The following NAALADL2 variants were observed in gnomAD, a reference collection of about 807,000 sequenced individuals.
The protein encoded by NAALADL2 is N-acetylated alpha-linked acidic dipeptidase like 2.
In NAALADL2, 76 loss-of-function variants were observed where a neutral mutation model predicts 87.2. The observed-to-expected ratio is 0.87, with a 90% CI of 0.72 to 1.05. NAALADL2 has a LOEUF of 1.05. NAALADL2 is among the 50% of genes least tolerant of loss of function. NAALADL2 has a pLI of 0.00. For synonymous variants in NAALADL2, 354 were observed against 331.0 expected (o/e 1.07, Z -0.75); for missense variants, 1,089 against 945.8 (o/e 1.15, Z -1.99).
At chr3:175,368,369 A>G (rs1175707884) in intron 5 of NAALADL2, among the ~76,000 whole-genome samples, 2 of 152,176 alleles carry the variant, frequency 1.3e-5, no homozygotes, top group Non-Finnish European at 2.9e-5. Flanking sequence ...TGCTGGCCTC[A>G]TAAAATGAGT....
intron 2 of NAALADL2, among the ~76,000 whole-genome samples, chr3:175,232,305 A>C (rs1455015035): frequency 6.6e-6 from 1 of 152,174 alleles, no homozygotes; most frequent in Non-Finnish European, 1.5e-5. Context: ...GAGTAGCTTC[A>C]CAAAGATAGG....
At chr3:175,479,646 T>C (rs1726178006) in intron 9 of NAALADL2, among the ~76,000 whole-genome samples, 1 of 151,794 alleles carries the variant, frequency 6.6e-6, no homozygotes, top group South Asian at 2.1e-4. Flanking sequence ...AGCACAACTC[T>C]ATATACAGTG....
At chr3:174,572,512 C>G (rs1289371062) in intron 2 of NAALADL2, among the ~76,000 whole-genome samples, 2 of 151,574 alleles carry the variant, frequency 1.3e-5, no homozygotes, top group African/African-American at 2.4e-5. Context: ...TTTCTTTTGG[C>G]CAAAGCAATA....
At chr3:175,773,203 G>A (rs1749740564) in intron 13 of NAALADL2, 1 of 152,070 alleles carries the variant, frequency 6.6e-6, no homozygotes, top group African/African-American at 2.4e-5. Context: ...ACCTTCTCTT[G>A]TTGATTGAAG....
intron 1 of NAALADL2, among the ~76,000 whole-genome samples, chr3:174,926,806 A>G (rs1032832502): frequency 3.3e-5 from 5 of 152,208 alleles, no homozygotes; most frequent in Non-Finnish European, 5.9e-5. Flanking sequence ...ACTAATGAGC[A>G]AAATAACCAG....
In NAALADL2 at chr3:175,805,182, T is replaced by C. The variant is rs1754591051; in HGVS notation, c.*1979T>C. ...CACTTACAGATGAAACTAAAACAAA[T>C]AAAGGCAAGCTATTATCAGTTTGGT... On this transcript the variant is annotated 3_prime_UTR_variant, in exon 14 of 14. Coordinates refer to ENST00000454872, the MANE Select transcript of NAALADL2 (RefSeq NM_207015.3). The C allele has an allele frequency of 6.6e-6, 1 of 151,898 alleles. No homozygotes were observed. Among genetic ancestry groups the C allele is most frequent in the African/African-American group, 2.4e-5 (1 of 41,412 alleles). 9.4% of individuals were successfully genotyped at this position (151,898 alleles called of 1,614,324 possible).
chr3:175,181,771 G>A (rs59143656), intron 2 of NAALADL2, among the ~76,000 whole-genome samples: 4,795 of 26,836 alleles, frequency 0.18, 551 homozygotes, highest in East Asian at 0.34. Flanking sequence ...ATATATGTGT[G>A]TATATATGTA....
chr3:174,907,656 CTA>C (rs1482689528), intron 1 of NAALADL2, among the ~76,000 whole-genome samples: 1 of 152,046 alleles, frequency 6.6e-6, no homozygotes. Flanking sequence ...TCTTCCTTTT[CTA>C]TGATGACATC....
chr3:174,773,379 A>G (rs1223325568), intron 3 of NAALADL2, among the ~76,000 whole-genome samples: 2 of 152,174 alleles, frequency 1.3e-5, no homozygotes, highest in East Asian at 3.9e-4. Flanking sequence ...CAGACAATGG[A>G]GTGATCTACC....
chr3:174,473,476 T>G (rs1440973243), intron 1 of NAALADL2, among the ~76,000 whole-genome samples: 9 of 152,314 alleles, frequency 5.9e-5, no homozygotes, highest in Middle Eastern at 3.4e-3. Context: ...CTTATTTTTC[T>G]ATGTTAATGG....
intron 1 of NAALADL2, among the ~76,000 whole-genome samples, chr3:174,962,067 C>G (rs888762471): frequency 6.6e-6 from 1 of 151,876 alleles, no homozygotes; most frequent in African/African-American, 2.4e-5. Flanking sequence ...CTTCATTTCT[C>G]TCTTGGATAA....
At chr3:174,721,890 A>G (rs1234472590) in intron 2 of NAALADL2, among the ~76,000 whole-genome samples, 1 of 152,122 alleles carries the variant, frequency 6.6e-6, no homozygotes, top group Non-Finnish European at 1.5e-5. Context: ...CTGATTTTTG[A>G]CCAGAGGGGT....
At chr3:174,579,219 T>C (rs1578215839) in intron 2 of NAALADL2, among the ~76,000 whole-genome samples, 1 of 151,898 alleles carries the variant, frequency 6.6e-6, no homozygotes. Flanking sequence ...AGTTACTCAA[T>C]AAAAATAAAA....
At chr3:175,683,545 C>G (rs1424767066) in intron 11 of NAALADL2, among the ~76,000 whole-genome samples, 1 of 151,836 alleles carries the variant, frequency 6.6e-6, no homozygotes, top group Non-Finnish European at 1.5e-5. Context: ...GTATAATTAG[C>G]AAATGGGTGG....
intron 1 of NAALADL2, among the ~76,000 whole-genome samples, chr3:175,055,016 A>G (rs7646246): frequency 0.08 from 12,211 of 152,250 alleles, 1,613 homozygotes; most frequent in African/African-American, 0.28. Flanking sequence ...TAAATTGAGC[A>G]GGTTGAATTG....
intron 13 of NAALADL2, among the ~76,000 whole-genome samples, chr3:175,793,313 T>G (rs2108302068): frequency 6.7e-6 from 1 of 149,728 alleles, no homozygotes. Context: ...CTTTCTTTTT[T>G]TTTTTTTTTT....
intron 3 of NAALADL2, among the ~76,000 whole-genome samples, chr3:174,738,645 A>C (rs1399962466): frequency 6.6e-6 from 1 of 152,090 alleles, no homozygotes; most frequent in Non-Finnish European, 1.5e-5. Context: ...GAGAGGGGGG[A>C]GGGTTGAATT....
intron 5 of NAALADL2, among the ~76,000 whole-genome samples, chr3:175,324,854 T>C (rs1760488102): frequency 6.6e-6 from 1 of 152,232 alleles, no homozygotes; most frequent in African/African-American, 2.4e-5. Flanking sequence ...ACTGGAAGTA[T>C]AGAGATGGCT....
chr3:175,473,193 A>G (rs80256197), intron 9 of NAALADL2, among the ~76,000 whole-genome samples: 1,707 of 152,264 alleles, frequency 0.011, 35 homozygotes, highest in African/African-American at 0.04. Context: ...TAACAGGACT[A>G]AAATATTTCA....
Sources: allele counts gnomAD v4.1 joint callset (sites outside exome capture counted in the v4.1 genomes callset), GRCh38; gene constraint gnomAD v4.1.1; transcripts MANE v1.5; gene names NCBI Gene and HGNC (gene_info 2026-07-23, HGNC 2026-07-21).